ATXN10: variants seen among roughly 807,000 people sequenced by gnomAD.
ATXN10 encodes the protein ataxin 10, also known as ataxin-10.
ATXN10 carries 28 observed loss-of-function variants against 52.9 expected under a neutral mutation model. The ratio of observed to expected loss-of-function variants is 0.53; its 90% CI spans 0.39 to 0.73. The LOEUF is 0.73. Among genes scored for constraint, ATXN10 ranks in the 30% least tolerant of loss-of-function variants. ATXN10 has a pLI of 0.00. For missense variants in ATXN10, 565 were observed against 577.0 expected (o/e 0.98, Z 0.21); for synonymous variants, 226 against 221.5 (o/e 1.02, Z -0.18).
rs141404766 is a variant in ATXN10 at position 45,810,368 on chromosome 22, G to C, written c.1237+3346G>C. 3.1e-3 allele frequency among the ~76,000 whole-genome samples: 474 copies of C among 152,204 alleles called. 2 individuals are homozygous for C. Among genetic ancestry groups the C allele is most frequent in the African/African-American group, 0.011 (459 of 41,532 alleles). On this transcript the variant is annotated intron_variant, in intron 10 of 11. Transcript: ENST00000252934. ...GTTCTTCCAATTTGTCTCTTCTTTT[G>C]TAACAGTGTTAGGACCATTTTTGGT... is the stretch of plus-strand genomic sequence containing the variant.
At chr22:45,709,920 C>G (rs1924181288) in intron 5 of ATXN10, among the ~76,000 whole-genome samples, 1 of 152,184 alleles carries the variant, frequency 6.6e-6, no homozygotes, top group African/African-American at 2.4e-5. Flanking sequence ...TTCTTTCACT[C>G]TCACCCACTT....
rs1311085786 is a variant in ATXN10, at chr22:45,842,351, A to G, written c.1238-640A>G. Among the ~76,000 whole-genome samples the G allele has an allele frequency of 6.6e-6, 1 of 152,214 alleles. No individual in the cohort carries two copies. The highest frequency in any genetic ancestry group is 2.4e-5 in the African/African-American group (1 of 41,444). On this transcript the variant is annotated intron_variant, in intron 10 of 11. Transcript: ENST00000252934. This position sits in a 1 kb window ranked among gnomAD's most constrained non-coding sequence, Gnocchi z 4.8. ...GCCAAGCGGAACGTGCCAGGTGAAC[A>G]CTTGGGCACAGTGAGCCCCGATGCT...
Position 45,786,660 on chromosome 22 carries a change from T to C in ATXN10, c.1174-20299T>C, listed in dbSNP as rs1601645071. On this transcript the variant is annotated intron_variant, in intron 9 of 11. Transcript: ENST00000252934. This position sits in a 1 kb window ranked among gnomAD's most constrained non-coding sequence, Gnocchi z 4.1. ...TATTAAATGCCTTTATCTCATAAAA[T>C]CTTAATTTATAAAATGTAGGCAGCT... Among the ~76,000 whole-genome samples the C allele has an allele frequency of 6.6e-6, 1 of 152,218 alleles. No individual in the cohort carries two copies. The highest frequency in any genetic ancestry group is 1.5e-5 in the Non-Finnish European group (1 of 68,036).
rs1389027094 is a variant in ATXN10 at position 45,744,382 on chromosome 22, C to A, written c.1173+3844C>A. 6.6e-6 allele frequency: 1 copy of A among 152,282 alleles called. No individual in the cohort carries two copies. The highest frequency in any genetic ancestry group is 1.5e-5 in the Non-Finnish European group (1 of 68,088). 9.4% of individuals were successfully genotyped at this position (152,282 alleles called of 1,614,324 possible). A position where few individuals can be genotyped will look rare whatever the true frequency, so the allele number is the denominator to read the frequency against. ...CCACCTGCTGGATGGCCCTCTTACA[C>A]TTGTGTGGCACTTTCCATTTTCCAG... On this transcript the variant is annotated intron_variant, in intron 9 of 11. Coordinates refer to ENST00000252934, the MANE Select transcript of ATXN10 (RefSeq NM_013236.4). The surrounding 1 kb of genome is among the most constrained non-coding windows in gnomAD (Gnocchi z 4.9).
At chr22:45,768,984 T>C (rs1264502718) in intron 9 of ATXN10, among the ~76,000 whole-genome samples, 1 of 152,162 alleles carries the variant, frequency 6.6e-6, no homozygotes, top group East Asian at 1.9e-4. Flanking sequence ...AATGAGTTGC[T>C]GAGATTTATT....
At chr22:45,822,529 T>A (rs1928683903) in intron 10 of ATXN10, among the ~76,000 whole-genome samples, 1 of 143,146 alleles carries the variant, frequency 7.0e-6, no homozygotes, top group African/African-American at 2.7e-5. Flanking sequence ...TCCAATTTTT[T>A]TTTTTTTTTT....
intron 5 of ATXN10, among the ~76,000 whole-genome samples, chr22:45,709,637 AC>A (rs1463336191): frequency 6.6e-6 from 1 of 152,062 alleles, no homozygotes; most frequent in African/African-American, 2.4e-5. Flanking sequence ...TCTCTGGGTG[AC>A]CTCATCTCAT....
intron 1 of ATXN10, chr22:45,675,078 G>T (rs928562170): frequency 1.3e-5 from 2 of 152,198 alleles, no homozygotes; most frequent in Non-Finnish European, 2.9e-5. Context: ...GTAGCATAGT[G>T]GTTTATGCAT....
Position 45,781,741 on chromosome 22 carries a change from G to C in ATXN10, c.1174-25218G>C, listed in dbSNP as rs1250980564. On this transcript the variant is annotated intron_variant, in intron 9 of 11. Transcript: ENST00000252934. The surrounding 1 kb of genome is among the most constrained non-coding windows in gnomAD (Gnocchi z 4.2). ...AATTATGACCACACTGGAAACAAAT[G>C]AAAAAATCTCAGCAAAGAAATGGAA... Among the ~76,000 whole-genome samples the C allele has an allele frequency of 6.6e-6, 1 of 152,066 alleles. No homozygotes were observed. Among genetic ancestry groups the C allele is most frequent in the East Asian group, 1.9e-4 (1 of 5,192 alleles).
chr22:45,822,086 G>A (rs1928668048), intron 10 of ATXN10, among the ~76,000 whole-genome samples: 1 of 152,186 alleles, frequency 6.6e-6, no homozygotes, highest in African/African-American at 2.4e-5. Context: ...CGGAATCATA[G>A]CCTGCATTCT....
At position 45,781,431 on chromosome 22, in the gene ATXN10, T is replaced by G. The variant is rs1345806954; in HGVS notation, c.1174-25528T>G. On this transcript the variant is annotated intron_variant, in intron 9 of 11. Coordinates refer to ENST00000252934, the MANE Select transcript of ATXN10 (RefSeq NM_013236.4). The surrounding 1 kb of genome is among the most constrained non-coding windows in gnomAD (Gnocchi z 4.2). ...GGAGGTTGAGTGAGGGACCTAGATC[T>G]TCACCACAACCTGGCAGTAGTGAGC... Among the ~76,000 whole-genome samples, 1 of 152,184 alleles carries G rather than the reference T, an allele frequency of 6.6e-6. No homozygotes were observed. The highest frequency in any genetic ancestry group is 1.5e-5 in the Non-Finnish European group (1 of 68,040).
chr22:45,704,277 C>T (rs1923952613), intron 5 of ATXN10, among the ~76,000 whole-genome samples: 3 of 149,692 alleles, frequency 2.0e-5, no homozygotes, highest in African/African-American at 2.5e-5. Context: ...CTTCTGTTTC[C>T]ATATTAATTT....
chr22:45,775,603 C>T lies in ATXN10; in HGVS notation c.1174-31356C>T, dbSNP rs780513115. On this transcript the variant is annotated intron_variant, in intron 9 of 11. Coordinates refer to ENST00000252934, the MANE Select transcript of ATXN10 (RefSeq NM_013236.4). The surrounding 1 kb of genome is among the most constrained non-coding windows in gnomAD (Gnocchi z 4.7). The stretch of plus-strand genomic sequence containing the variant: ...TTAGGTGACTGCCAAACATGGCTTT[C>T]GTCAGTGTTAGCCTGTGTAATGACA... Among the ~76,000 whole-genome samples, 4 of 152,140 alleles carry T rather than the reference C, an allele frequency of 2.6e-5. No homozygotes were observed. The highest frequency in any genetic ancestry group is 4.4e-5 in the Non-Finnish European group (3 of 68,036).
rs149917206 is a variant in ATXN10 at position 45,728,751 on chromosome 22, A to G, written c.729-674A>G. ...GAAGGAAAGAGATGGTTGAAAAGAA[A>G]TATTTATTTGGTAACTTATATATTG... On this transcript the variant is annotated intron_variant, in intron 6 of 11. Transcript: ENST00000252934. This position sits in a 1 kb window ranked among gnomAD's most constrained non-coding sequence, Gnocchi z 4.3. Among the ~76,000 whole-genome samples the G allele has an allele frequency of 1.3e-5, 2 of 152,330 alleles. No individual in the cohort carries two copies. The highest frequency in any genetic ancestry group is 1.9e-4 in the East Asian group (1 of 5,194).
Position 45,677,834 on chromosome 22 carries a change from G to A in ATXN10, c.116+5655G>A, listed in dbSNP as rs1922763586. Reference sequence around the variant, plus strand: ...GAACAAGTATCGTTGAGGATGTGGGGAAATGGGAACCCTTGTGTGTTGCTA... The same window carrying A: ...GAACAAGTATCGTTGAGGATGTGGGAAAATGGGAACCCTTGTGTGTTGCTA... On this transcript the variant is annotated intron_variant, in intron 1 of 11. Coordinates refer to ENST00000252934, the MANE Select transcript of ATXN10 (RefSeq NM_013236.4). This position sits in a 1 kb window ranked among gnomAD's most constrained non-coding sequence, Gnocchi z 4.1. 6.6e-6 allele frequency: 1 copy of A among 152,210 alleles called. No homozygotes were observed. Among genetic ancestry groups the A allele is most frequent in the Admixed American group, 6.5e-5 (1 of 15,276 alleles). 9.4% of individuals were successfully genotyped at this position (152,210 alleles called of 1,614,324 possible).
In ATXN10 at chr22:45,823,133, A is replaced by C. The variant is rs1928708081; in HGVS notation, c.1237+16111A>C. ...ATAAGTACAGATGTATGTACGCATC[A>C]CCCAGATGGAAATACAGAACATGCC... On this transcript the variant is annotated intron_variant, in intron 10 of 11. Coordinates refer to ENST00000252934, the MANE Select transcript of ATXN10 (RefSeq NM_013236.4). The surrounding 1 kb of genome is among the most constrained non-coding windows in gnomAD (Gnocchi z 4.9). 2.1e-6 allele frequency: 1 copy of C among 471,738 alleles called. No homozygotes were observed. The highest frequency in any genetic ancestry group is 4.4e-6 in the Non-Finnish European group (1 of 227,184). 29.2% of individuals were successfully genotyped at this position (471,738 alleles called of 1,614,324 possible). A position where few individuals can be genotyped will look rare whatever the true frequency, so the allele number is the denominator to read the frequency against.
At chr22:45,767,297 A>G (rs1926615899) in intron 9 of ATXN10, among the ~76,000 whole-genome samples, 1 of 152,190 alleles carries the variant, frequency 6.6e-6, no homozygotes, top group Non-Finnish European at 1.5e-5. Context: ...GAGTGATCTG[A>G]GTGATGTATT....
At chr22:45,801,158 A>G (rs1202595490) in intron 9 of ATXN10, among the ~76,000 whole-genome samples, 3 of 152,210 alleles carry the variant, frequency 2.0e-5, no homozygotes, top group East Asian at 1.9e-4. Context: ...TGGGGAGATC[A>G]GGCGTTTTCA....
chr22:45,713,486 A>G (rs1432585623), intron 5 of ATXN10, among the ~76,000 whole-genome samples: 1 of 152,206 alleles, frequency 6.6e-6, no homozygotes, highest in Admixed American at 6.6e-5. Flanking sequence ...AGGCGAACTT[A>G]CAGAGTTCTC....
Sources: gnomAD v4.1 joint callset for allele counts (sites outside exome capture counted in the v4.1 genomes callset) on GRCh38, gnomAD v4.1.1 for gene constraint, Gnocchi (gnomAD v3.1) non-coding constraint, MANE v1.5 for transcripts, NCBI Gene and HGNC (gene_info 2026-07-23, HGNC 2026-07-21) for gene names.